CDH12: variants seen among roughly 807,000 people sequenced by gnomAD.
The protein encoded by CDH12 is cadherin 12.
CDH12 carries 41 observed loss-of-function variants against 74.1 expected under a neutral mutation model. That is an observed-to-expected ratio of 0.55 (90% CI 0.43 to 0.72). The LOEUF is 0.72. Among genes scored for constraint, CDH12 ranks in the 30% least tolerant of loss-of-function variants. CDH12 has a pLI of 0.00. For synonymous variants in CDH12, 399 were observed against 355.0 expected, an observed-to-expected ratio of 1.12 and a Z score of -1.39; for missense variants, 945 against 977.2, an observed-to-expected ratio of 0.97 and a Z score of 0.44.
intron 6 of CDH12, among the ~76,000 whole-genome samples, chr5:21,931,713 A>G (rs765915072): frequency 1.3e-5 from 2 of 152,188 alleles, no homozygotes; most frequent in Non-Finnish European, 2.9e-5. Flanking sequence ...ACTAATTCCA[A>G]AATAGACTGC....
chr5:21,821,058 T>C (rs1295755227), intron 8 of CDH12, among the ~76,000 whole-genome samples: 4 of 151,946 alleles, frequency 2.6e-5, no homozygotes. Flanking sequence ...ATAATGATCA[T>C]ATTCTTAAAT....
intron 3 of CDH12, among the ~76,000 whole-genome samples, chr5:22,217,989 T>G (rs1751880743): frequency 6.6e-6 from 1 of 151,578 alleles, no homozygotes; most frequent in African/African-American, 2.4e-5. Context: ...TTCTTATTAA[T>G]TCATAACTAT....
intron 1 of CDH12, among the ~76,000 whole-genome samples, chr5:22,750,976 A>G (rs566340594): frequency 1.3e-5 from 2 of 151,450 alleles, no homozygotes; most frequent in East Asian, 3.9e-4. Context: ...AACAAGGTTT[A>G]CAACCCTGGA....
chr5:22,033,893 T>C (rs955523530), intron 5 of CDH12, among the ~76,000 whole-genome samples: 38 of 152,208 alleles, frequency 2.5e-4, no homozygotes, highest in Admixed American at 6.5e-5. Flanking sequence ...ATTATAAACA[T>C]GTGTAATGCT....
intron 6 of CDH12, among the ~76,000 whole-genome samples, chr5:21,897,108 T>C (rs1311515139): frequency 6.6e-6 from 1 of 152,116 alleles, no homozygotes; most frequent in African/African-American, 2.4e-5. Flanking sequence ...TCAACTGAAA[T>C]GTTGCTCAGT....
intron 6 of CDH12, among the ~76,000 whole-genome samples, chr5:21,897,875 C>G (rs943724280): frequency 1.3e-5 from 2 of 152,066 alleles, no homozygotes; most frequent in African/African-American, 4.8e-5. Context: ...ATTTTAAAGG[C>G]TTCTACACTG....
At chr5:22,168,520 A>T (rs1421645143) in intron 4 of CDH12, among the ~76,000 whole-genome samples, 1 of 152,094 alleles carries the variant, frequency 6.6e-6, no homozygotes, top group Admixed American at 6.6e-5. Flanking sequence ...TATGCATTAG[A>T]GTCTAACAAA....
chr5:22,505,378 C>T lies in CDH12; in HGVS notation c.-522-14G>A. The T allele has an allele frequency of 1.2e-6, 1 of 822,158 alleles. No individual in the cohort carries two copies. Among genetic ancestry groups the T allele is most frequent in the Admixed American group, 6.2e-5 (1 of 16,044 alleles). The allele number at this position is 822,158 out of a possible 1,614,324, so 50.9% of individuals were successfully genotyped here. ...TAGGTAACAAAGCTGGAAAGACAAA[C>T]ATATACAGTCAGAATGTTAACTATC... On this transcript the variant is annotated splice_polypyrimidine_tract_variant and intron_variant, in intron 1 of 14. Coordinates refer to ENST00000382254, the MANE Select transcript of CDH12 (RefSeq NM_004061.5).
chr5:22,635,475 A>G (rs1448575406), intron 1 of CDH12, among the ~76,000 whole-genome samples: 2 of 152,224 alleles, frequency 1.3e-5, no homozygotes, highest in Non-Finnish European at 2.9e-5. Context: ...AGAAACAAAA[A>G]AAGTTGGTAA....
intron 1 of CDH12, among the ~76,000 whole-genome samples, chr5:22,748,141 C>A (rs1230868247): frequency 6.6e-6 from 1 of 151,966 alleles, no homozygotes; most frequent in Non-Finnish European, 1.5e-5. Flanking sequence ...TAAATTGAAA[C>A]AAGACAAAAA....
intron 3 of CDH12, among the ~76,000 whole-genome samples, chr5:22,281,519 C>T (rs1419896561): frequency 2.0e-5 from 3 of 151,952 alleles, no homozygotes; most frequent in Non-Finnish European, 2.9e-5. Context: ...TAAGCAACTT[C>T]AACAGTCTCA....
chr5:22,645,054 C>T (rs2126876037), intron 1 of CDH12, among the ~76,000 whole-genome samples: 1 of 152,172 alleles, frequency 6.6e-6, no homozygotes, highest in South Asian at 2.1e-4. Flanking sequence ...TCTATGCTTG[C>T]TAAGTCAGCA....
intron 1 of CDH12, among the ~76,000 whole-genome samples, chr5:22,649,664 G>A (rs1361990295): frequency 6.6e-6 from 1 of 151,960 alleles, no homozygotes; most frequent in African/African-American, 2.4e-5. Flanking sequence ...ATCCTTATTT[G>A]AAAATGAGAT....
intron 10 of CDH12, among the ~76,000 whole-genome samples, chr5:21,787,780 T>C (rs566341941): frequency 1.1e-3 from 161 of 152,142 alleles, no homozygotes; most frequent in Non-Finnish European, 1.9e-3. Context: ...ACATGAATGC[T>C]CTCAAAAATT....
At chr5:22,216,662 G>T (rs1010002656) in intron 3 of CDH12, among the ~76,000 whole-genome samples, 3 of 151,848 alleles carry the variant, frequency 2.0e-5, no homozygotes, top group African/African-American at 4.8e-5. Context: ...TTCTGCTTAT[G>T]TCTAAATCAT....
chr5:22,083,914 A>T (rs1391854931), intron 4 of CDH12, among the ~76,000 whole-genome samples: 1 of 152,198 alleles, frequency 6.6e-6, no homozygotes, highest in Non-Finnish European at 1.5e-5. Context: ...AATACTGGGC[A>T]GCTTAAGCTT....
intron 2 of CDH12, among the ~76,000 whole-genome samples, chr5:22,437,181 T>C (rs948069366): frequency 4.6e-5 from 7 of 151,998 alleles, no homozygotes; most frequent in African/African-American, 1.7e-4. Context: ...GTTAACCTTA[T>C]AGATTATATA....
At chr5:22,266,561 A>G (rs1415545448) in intron 3 of CDH12, among the ~76,000 whole-genome samples, 1 of 152,058 alleles carries the variant, frequency 6.6e-6, no homozygotes, top group Admixed American at 6.6e-5. Flanking sequence ...TATCACCACT[A>G]TATACATCCA....
At chr5:22,058,577 T>C (rs1280136287) in intron 5 of CDH12, among the ~76,000 whole-genome samples, 1 of 151,882 alleles carries the variant, frequency 6.6e-6, no homozygotes, top group Admixed American at 6.6e-5. Flanking sequence ...TTTTTTAATC[T>C]GTTAAAATGG....
Sources: gnomAD v4.1 joint callset for allele counts (sites outside exome capture counted in the v4.1 genomes callset) on GRCh38, gnomAD v4.1.1 for gene constraint, MANE v1.5 for transcripts, NCBI Gene and HGNC (gene_info 2026-07-23, HGNC 2026-07-21) for gene names.